The following LEMD3 variants were observed in gnomAD, a reference collection of about 807,000 sequenced individuals.
LEMD3 encodes the protein inner nuclear membrane protein Man1.
In LEMD3, 33 loss-of-function variants were observed where a neutral mutation model predicts 95.2. The observed-to-expected ratio is 0.35, with a 90% confidence interval of 0.26 to 0.46. The LOEUF (loss-of-function observed/expected upper bound fraction) is 0.46. LEMD3 is among the 20% of genes least tolerant of loss of function. The probability of loss-of-function intolerance (pLI) is 1.00; values close to 1 mark genes in which losing one functional copy is unlikely to be tolerated. For synonymous variants in LEMD3, 525 were observed against 474.6 expected (o/e 1.11, Z -1.38); for missense variants, 1,210 against 1,192.8 (o/e 1.01, Z -0.21).
Position 65,194,902 on chromosome 12 carries a change from T to TTAAAATA in LEMD3, c.1523-16024_1523-16023insTAAAATA, listed in dbSNP as rs1288020674. On this transcript the variant is annotated intron_variant, in intron 1 of 12. Transcript: ENST00000308330. ...TATAATTTATAAAATTAAAATAAAA[T>TTAAAATA]AATTATTAAATTATTATAATCTAAA... Among the ~76,000 whole-genome samples, 71 of 144,050 alleles carry TTAAAATA rather than the reference T, an allele frequency of 4.9e-4. 1 individual carries two copies. The East Asian group carries it at 5.5e-3, about 11-fold the overall frequency. 94.5% of individuals were successfully genotyped at this position (144,050 alleles called of 152,430 possible).
In LEMD3 at chr12:65,213,114, ATAAAG is replaced by A. The variant is rs1211049235; in HGVS notation, c.1560+2156_1560+2160del. 2.6e-5 allele frequency among the ~76,000 whole-genome samples: 4 copies of A among 152,344 alleles called. No homozygotes were observed. In the East Asian group the frequency reaches 5.8e-4, roughly 22 times the overall value. On this transcript the variant is annotated intron_variant, in intron 2 of 12. Coordinates refer to ENST00000308330, the MANE Select transcript of LEMD3 (RefSeq NM_014319.5). ...GATAGATAGATAGATAGATAGATAGATAAAGTAAATAGTATATCTCATAAACACCT... is the reference window on the plus strand; with the variant it reads ...GATAGATAGATAGATAGATAGATAGATAAATAGTATATCTCATAAACACCT...
At chr12:65,185,292 T>A (rs547850226) in intron 1 of LEMD3, among the ~76,000 whole-genome samples, 1 of 152,280 alleles carries the variant, frequency 6.6e-6, no homozygotes, top group East Asian at 1.9e-4. Flanking sequence ...TAGCCCTGCC[T>A]CTCTAAATTG....
intron 1 of LEMD3, among the ~76,000 whole-genome samples, chr12:65,208,217 T>C (rs1417345753): frequency 6.6e-6 from 1 of 152,034 alleles, no homozygotes; most frequent in Non-Finnish European, 1.5e-5. Flanking sequence ...AGAAGAAATG[T>C]CCAAAAAAGC....
intron 1 of LEMD3, among the ~76,000 whole-genome samples, chr12:65,207,104 A>C (rs1869786403): frequency 6.6e-6 from 1 of 152,140 alleles, no homozygotes. Context: ...TGTTATGAGG[A>C]TGAAATGAGG....
intron 4 of LEMD3, among the ~76,000 whole-genome samples, chr12:65,230,016 G>A (rs1870573660): frequency 2.0e-5 from 3 of 152,150 alleles, no homozygotes; most frequent in South Asian, 4.1e-4. Flanking sequence ...AAGGGGGCTC[G>A]TTTCATTCTG....
Position 65,170,321 on chromosome 12 carries a change from G to A in LEMD3, c.725G>A (p.Arg242Gln). The A allele has an allele frequency of 6.3e-7, 1 of 1,599,318 alleles. No homozygotes were observed. Among genetic ancestry groups the A allele is most frequent in the Non-Finnish European group, 8.5e-7 (1 of 1,172,758 alleles). ...PETEEPLWAS[R>Q]TVNGSRLVPY... is the part of the protein sequence containing the mutation. Reference sequence around the variant, plus strand: ...ACCGAGGAGCCGCTCTGGGCGAGCCGGACCGTGAATGGCAGCCGGCTTGTC... The same window carrying A: ...ACCGAGGAGCCGCTCTGGGCGAGCCAGACCGTGAATGGCAGCCGGCTTGTC... The change falls in exon 1 of 13, where the codon CGG becomes CAG. Residue 242 changes from arginine (R) to glutamine (Q), a missense_variant. Coordinates refer to ENST00000308330, the MANE Select transcript of LEMD3 (RefSeq NM_014319.5).
intron 3 of LEMD3, among the ~76,000 whole-genome samples, chr12:65,217,846 T>A (rs1870156035): frequency 6.6e-6 from 1 of 152,156 alleles, no homozygotes; most frequent in African/African-American, 2.4e-5. Context: ...TGAGACAGGA[T>A]CTTTTCTGTC....
chr12:65,182,653 C>T (rs1167567531), intron 1 of LEMD3, among the ~76,000 whole-genome samples: 1 of 152,026 alleles, frequency 6.6e-6, no homozygotes, highest in Non-Finnish European at 1.5e-5. Flanking sequence ...GGTGATGACA[C>T]AACTTGAAAC....
At chr12:65,176,594 T>C (rs549124370) in intron 1 of LEMD3, among the ~76,000 whole-genome samples, 1 of 152,328 alleles carries the variant, frequency 6.6e-6, no homozygotes, top group East Asian at 1.9e-4. Context: ...AGCTCCTTTC[T>C]TTAGAGTAAT....
intron 8 of LEMD3, 57 bp downstream of exon 8, chr12:65,240,295 G>C: frequency 7.9e-7 from 1 of 1,258,460 alleles, no homozygotes; most frequent in South Asian, 1.2e-5. Context: ...GCTTTCTGCA[G>C]TATTGAAAAT....
At chr12:65,200,335 G>A (rs563123289) in intron 1 of LEMD3, among the ~76,000 whole-genome samples, 1 of 152,086 alleles carries the variant, frequency 6.6e-6, no homozygotes, top group African/African-American at 2.4e-5. Context: ...CCACTTGCTC[G>A]AGCCTGCTCC....
At chr12:65,184,454 A>G (rs1868998301) in intron 1 of LEMD3, among the ~76,000 whole-genome samples, 1 of 152,122 alleles carries the variant, frequency 6.6e-6, no homozygotes, top group Non-Finnish European at 1.5e-5. Flanking sequence ...AGAGCATTGG[A>G]TCGTGTTCTG....
chr12:65,202,171 A>G (rs1291702192), intron 1 of LEMD3, among the ~76,000 whole-genome samples: 4 of 151,830 alleles, frequency 2.6e-5, no homozygotes, highest in African/African-American at 9.7e-5. Context: ...TAATTTTGCC[A>G]CCACACCTGG....
chr12:65,241,164 T>A, intron 9 of LEMD3, 77 bp downstream of exon 9: 1 of 1,282,270 alleles, frequency 7.8e-7, no homozygotes, highest in Non-Finnish European at 1.1e-6. Context: ...AGTGAAACAG[T>A]ACAATTCAAA....
intron 1 of LEMD3, among the ~76,000 whole-genome samples, chr12:65,193,160 A>G (rs940706213): frequency 4.6e-5 from 7 of 152,206 alleles, no homozygotes; most frequent in African/African-American, 1.7e-4. Flanking sequence ...CTCAGCAGAA[A>G]GAATTCGACT....
At chr12:65,207,717 C>T (rs908357294) in intron 1 of LEMD3, among the ~76,000 whole-genome samples, 13 of 152,080 alleles carry the variant, frequency 8.5e-5, no homozygotes, top group African/African-American at 3.1e-4. Context: ...TATACTATTG[C>T]CTGTTTTCCT....
intron 9 of LEMD3, among the ~76,000 whole-genome samples, chr12:65,241,965 A>G (rs1030291961): frequency 6.6e-6 from 1 of 152,176 alleles, no homozygotes; most frequent in East Asian, 1.9e-4. Flanking sequence ...GGTGCAGCAA[A>G]CCACTATGAC....
chr12:65,205,927 TC>T (rs1228816060), intron 1 of LEMD3, among the ~76,000 whole-genome samples: 1 of 152,156 alleles, frequency 6.6e-6, no homozygotes, highest in African/African-American at 2.4e-5. Flanking sequence ...AGGGAACTGT[TC>T]CTGTCATCTA....
chr12:65,202,511 T>G (rs575600307), intron 1 of LEMD3, among the ~76,000 whole-genome samples: 1 of 152,312 alleles, frequency 6.6e-6, no homozygotes, highest in East Asian at 1.9e-4. Flanking sequence ...TGCTGAAGAC[T>G]TTTGCATCTG....
Sources: gnomAD v4.1 joint callset for allele counts (sites outside exome capture counted in the v4.1 genomes callset) on GRCh38, gnomAD v4.1.1 for gene constraint, MANE v1.5 for transcripts, NCBI Gene and HGNC (gene_info 2026-07-23, HGNC 2026-07-21) for gene names.